The following RASSF3 variants were observed in gnomAD, a reference collection of about 807,000 sequenced individuals.
RASSF3 encodes the protein Ras association domain family member 3, also known as ras association domain-containing protein 3.
A neutral mutation model predicts 19.9 loss-of-function variants in RASSF3; 19 were observed. The ratio of observed to expected loss-of-function variants is 0.96; its 90% CI spans 0.67 to 1.40. The LOEUF (loss-of-function observed/expected upper bound fraction) is 1.40, where lower values mean the gene tolerates loss of function less well. Among genes scored for constraint, RASSF3 ranks in the 40% most tolerant of loss-of-function variants. The pLI, the probability that RASSF3 is intolerant of heterozygous loss-of-function variation, is 0.00. For synonymous variants in RASSF3, 110 were observed against 104.2 expected (o/e 1.06, Z -0.34); for missense variants, 306 against 289.8 (o/e 1.06, Z -0.41).
intron 2 of RASSF3, among the ~76,000 whole-genome samples, chr12:64,565,001 G>A (rs1442617244): frequency 2.7e-5 from 4 of 149,960 alleles, no homozygotes; most frequent in East Asian, 2.0e-4. Context: ...GGATGGTCTC[G>A]AACTCCTGAC....
chr12:64,533,926 C>G (rs1450374231), intron 1 of RASSF3, among the ~76,000 whole-genome samples: 2 of 152,090 alleles, frequency 1.3e-5, no homozygotes, highest in East Asian at 3.9e-4. Flanking sequence ...ATGGGTAGAT[C>G]TTTATTATTA....
intron 1 of RASSF3, among the ~76,000 whole-genome samples, chr12:64,632,209 G>A (rs1871190601): frequency 3.3e-5 from 5 of 152,086 alleles, no homozygotes; most frequent in African/African-American, 7.2e-5. Flanking sequence ...GGGGAGTGCT[G>A]GGGTATTTGG....
chr12:64,621,523 G>C (rs1476374728), intron 1 of RASSF3, among the ~76,000 whole-genome samples: 1 of 152,142 alleles, frequency 6.6e-6, no homozygotes, highest in South Asian at 2.1e-4. Flanking sequence ...TGTTGCCCAG[G>C]CTGGAGAGCA....
intron 1 of RASSF3, among the ~76,000 whole-genome samples, chr12:64,680,691 G>A (rs1164398745): frequency 6.6e-6 from 1 of 151,786 alleles, no homozygotes; most frequent in Non-Finnish European, 1.5e-5. Context: ...TCGGCTTACT[G>A]CGATCTCCGC....
At chr12:64,623,567 C>G (rs1013269288) in intron 1 of RASSF3, among the ~76,000 whole-genome samples, 1 of 152,222 alleles carries the variant, frequency 6.6e-6, no homozygotes, top group Non-Finnish European at 1.5e-5. Context: ...TTTGTTCAGA[C>G]AGGCTTGTGG....
rs562934303 is a variant in RASSF3, at chr12:64,669,270, T to C, written c.112-15517T>C. 2.0e-5 allele frequency among the ~76,000 whole-genome samples: 3 copies of C among 152,300 alleles called. No homozygotes were observed. In the South Asian group the frequency reaches 6.2e-4, roughly 32 times the overall value. Reference sequence around the variant, plus strand: ...TAGGGGAGGAAATTGGTGACTTAGATGAAAGGGTGAAAAAGGTGAAACCTT... The same window carrying C: ...TAGGGGAGGAAATTGGTGACTTAGACGAAAGGGTGAAAAAGGTGAAACCTT... On this transcript the variant is annotated intron_variant, in intron 1 of 4. Transcript: ENST00000542104.
At chr12:64,564,502 C>T (rs575325017) in intron 2 of RASSF3, among the ~76,000 whole-genome samples, 7 of 152,170 alleles carry the variant, frequency 4.6e-5, no homozygotes, top group African/African-American at 1.7e-4. Context: ...CCTGCCTCAG[C>T]CTTCCAAGTA....
In RASSF3 at chr12:64,604,558, C is replaced by A. The variant is rs191392884; in HGVS notation, c.294+62853C>A. Among the ~76,000 whole-genome samples the A allele has an allele frequency of 6.0e-3, 912 of 152,218 alleles. 10 individuals are homozygous for A. Among genetic ancestry groups the A allele is most frequent in the African/African-American group, 0.021 (866 of 41,530 alleles). On this transcript the variant is annotated intron_variant, in intron 2 of 5. Coordinates refer to the RASSF3 transcript ENST00000637125. ...GATAGTTGCAGCCAATAGGCACTGACCAAAGAGAACAGCCGCTGATTGTAT... is the reference window on the plus strand; with the variant it reads ...GATAGTTGCAGCCAATAGGCACTGAACAAAGAGAACAGCCGCTGATTGTAT...
At chr12:64,678,481 G>A (rs1332545414) in intron 1 of RASSF3, among the ~76,000 whole-genome samples, 1 of 152,114 alleles carries the variant, frequency 6.6e-6, no homozygotes, top group Admixed American at 6.6e-5. Flanking sequence ...CCTCCTAGTG[G>A]CAGTGTGATG....
chr12:64,523,787 G>A (rs1382386976), intron 1 of RASSF3, among the ~76,000 whole-genome samples: 2 of 150,354 alleles, frequency 1.3e-5, no homozygotes, highest in South Asian at 2.1e-4. Context: ...AGTGCCTTGC[G>A]GCCTCACATT....
chr12:64,691,785 G>A (rs983895362), intron 4 of RASSF3, among the ~76,000 whole-genome samples: 1 of 144,386 alleles, frequency 6.9e-6, no homozygotes, highest in Non-Finnish European at 1.5e-5. Context: ...AGCCTATGAT[G>A]TCATTCTCTC....
Position 64,697,247 on chromosome 12 carries a change from A to G in RASSF3, c.*2335A>G, listed in dbSNP as rs1210266948. On this transcript the variant is annotated 3_prime_UTR_variant, in exon 5 of 5. Coordinates refer to ENST00000542104, the MANE Select transcript of RASSF3 (RefSeq NM_178169.4). ...TCCTTTCCCAAACACTGGTTACTGCAGCAGCATTTTTAATGTGTAAGTGAA... is the reference window on the plus strand; with the variant it reads ...TCCTTTCCCAAACACTGGTTACTGCGGCAGCATTTTTAATGTGTAAGTGAA... 1 of 152,136 alleles carries G rather than the reference A, an allele frequency of 6.6e-6. No individual in the cohort carries two copies. Among genetic ancestry groups the G allele is most frequent in the Non-Finnish European group, 1.5e-5 (1 of 68,018 alleles). 9.4% of individuals were successfully genotyped at this position (152,136 alleles called of 1,614,324 possible).
intron 3 of RASSF3, among the ~76,000 whole-genome samples, chr12:64,689,566 C>T (rs1873495574): frequency 6.6e-6 from 1 of 152,118 alleles, no homozygotes; most frequent in Non-Finnish European, 1.5e-5. Context: ...AGCTCGATGG[C>T]ATTTTTATCT....
At chr12:64,533,532 C>G (rs6581576) in intron 1 of RASSF3, 102,176 of 152,116 alleles carry the variant, frequency 0.67, 34,841 homozygotes, top group African/African-American at 0.77. Flanking sequence ...CATTTCACAA[C>G]TTAAGTTTTA....
chr12:64,688,179 C>T (rs1389471646), intron 2 of RASSF3, 37 bp from the exon 3 acceptor site: 1 of 1,449,672 alleles, frequency 6.9e-7, no homozygotes, highest in Non-Finnish European at 9.7e-7. Context: ...GTGCCACCAT[C>T]CACCCAGCTA....
chr12:64,694,889 C>G lies in RASSF3; in HGVS notation c.694C>G (p.Arg232Gly). The change falls in exon 5 of 5, where the codon CGT (arginine) becomes GGT (glycine). Residue 232 changes from arginine to glycine, a missense_variant. Arg to Gly is a moderately radical substitution (Grantham distance 125). Coordinates refer to ENST00000542104, the MANE Select transcript of RASSF3 (RefSeq NM_178169.4). The part of the protein sequence containing the change: ...AYRQKLEEAL[R>G]EVWKPD ...CAGGCAGAAGCTGGAAGAAGCCCTC[C>G]GTGAGGTGTGGAAGCCTGATTAAAG... The G allele has an allele frequency of 6.2e-7, 1 of 1,614,176 alleles. No homozygotes were observed. The highest frequency in any genetic ancestry group is 8.5e-7 in the Non-Finnish European group (1 of 1,180,032).
upstream of RASSF3, among the ~76,000 whole-genome samples, chr12:64,607,045 G>A (rs141430418): frequency 6.0e-3 from 916 of 152,116 alleles, 9 homozygotes; most frequent in African/African-American, 0.021. Context: ...TTTGGAGGCC[G>A]AGGTGGGAGG....
intron 1 of RASSF3, chr12:64,622,392 T>C: frequency 2.0e-6 from 1 of 503,906 alleles, no homozygotes; most frequent in South Asian, 1.5e-5. Context: ...ATACTAGGTA[T>C]TGAAAAAAGG....
intron 1 of RASSF3, among the ~76,000 whole-genome samples, chr12:64,666,584 G>A (rs1795621): frequency 0.29 from 43,486 of 152,018 alleles, 6,750 homozygotes; most frequent in Non-Finnish European, 0.36. Flanking sequence ...ACGTTTGATG[G>A]GTGTTAAAAG....
Sources: allele counts gnomAD v4.1 joint callset (sites outside exome capture counted in the v4.1 genomes callset), GRCh38; gene constraint gnomAD v4.1.1; transcripts MANE v1.5; gene names NCBI Gene and HGNC (gene_info 2026-07-23, HGNC 2026-07-21).